Variants in AKAP12 observed in about 807,000 individuals in gnomAD.
AKAP12 encodes A-kinase anchoring protein 12, also known as A-kinase anchor protein 12.
AKAP12 carries 32 observed loss-of-function variants against 79.9 expected under a neutral mutation model. That is an observed-to-expected ratio of 0.40 (90% confidence interval 0.30 to 0.54). The LOEUF is 0.54. AKAP12 is among the 20% of genes least tolerant of loss of function. The probability of loss-of-function intolerance (pLI) is 0.48; values close to 1 mark genes in which losing one functional copy is unlikely to be tolerated. For missense variants in AKAP12, 2,074 were observed against 2,177.0 expected, an observed-to-expected ratio of 0.95 and a Z score of 0.94; for synonymous variants, 808 against 857.0, an observed-to-expected ratio of 0.94 and a Z score of 1.00.
intron 3 of AKAP12, among the ~76,000 whole-genome samples, chr6:151,334,343 C>T (rs1777755610): frequency 6.6e-6 from 1 of 152,038 alleles, no homozygotes; most frequent in South Asian, 2.1e-4. Context: ...CCTGTAATCC[C>T]AACACTTTCA....
At position 151,349,968 on chromosome 6, in the gene AKAP12, A is replaced by G; in HGVS notation, c.1577A>G (p.Lys526Arg). The G allele has an allele frequency of 6.2e-7, 1 of 1,614,178 alleles. No homozygotes were observed. The change falls in exon 4 of 5, where the codon AAA becomes AGA. Residue 526 changes from lysine (K) to arginine (R), a missense_variant. Lys to Arg is a conservative substitution (Grantham distance 26, BLOSUM62 2). Coordinates refer to ENST00000402676, the MANE Select transcript of AKAP12 (RefSeq NM_005100.4). ...AAGCTTTTTACCAGCACTGGCTTAA[A>G]AAAGCTTTCTGGAAAGAAACAGAAA... ...LKKLFTSTGL[K>R]KLSGKKQKGK...
At chr6:151,285,617 A>T (rs538900474) in intron 2 of AKAP12, among the ~76,000 whole-genome samples, 8 of 152,296 alleles carry the variant, frequency 5.3e-5, no homozygotes, top group African/African-American at 1.9e-4. Flanking sequence ...TTTCATGCAA[A>T]AAAGGGGGGA....
chr6:151,341,858 C>T (rs1385755257), intron 3 of AKAP12: 8 of 1,206,108 alleles, frequency 6.6e-6, no homozygotes, highest in South Asian at 5.3e-5. Context: ...GGCCAAGGCG[C>T]GCAGGGACAG....
intron 3 of AKAP12, among the ~76,000 whole-genome samples, chr6:151,338,132 C>T (rs1777862634): frequency 6.6e-6 from 1 of 152,108 alleles, no homozygotes; most frequent in Non-Finnish European, 1.5e-5. Context: ...AGGGATATTC[C>T]CTTTCATAAC....
chr6:151,351,450 C>G lies in AKAP12; in HGVS notation c.3059C>G (p.Thr1020Ser). ...TDSPDTTEEA[T>S]PVQEVEGGVP... Reference sequence around the variant, plus strand: ...TCCCCAGACACCACAGAGGAGGCCACTCCGGTGCAGGAGGTGGAAGGTGGC... The same window carrying G: ...TCCCCAGACACCACAGAGGAGGCCAGTCCGGTGCAGGAGGTGGAAGGTGGC... Residue 1020 changes from threonine to serine, a missense_variant, in exon 4 of 5, where the codon ACT becomes AGT. Physicochemically the swap from Thr to Ser is moderately conservative, Grantham distance 58. Around this residue, in one of 3 missense-constraint regions of AKAP12, gnomAD observed 1,428 missense variants for 1,451.0 expected, o/e 0.98. Coordinates refer to ENST00000402676, the MANE Select transcript of AKAP12 (RefSeq NM_005100.4). This position sits in a 1 kb window ranked among gnomAD's most constrained non-coding sequence, Gnocchi z 4.4. 2.5e-6 allele frequency: 4 copies of G among 1,614,230 alleles called. No homozygotes were observed. The highest frequency in any genetic ancestry group is 3.4e-6 in the Non-Finnish European group (4 of 1,180,042).
intron 3 of AKAP12, among the ~76,000 whole-genome samples, chr6:151,306,781 A>C (rs997361787): frequency 1.3e-5 from 2 of 152,190 alleles, no homozygotes; most frequent in Non-Finnish European, 2.9e-5. Context: ...GGGAATACTT[A>C]TCTGTATATA....
intron 2 of AKAP12, among the ~76,000 whole-genome samples, chr6:151,287,590 A>G (rs1175182468): frequency 6.6e-6 from 1 of 152,226 alleles, no homozygotes; most frequent in Non-Finnish European, 1.5e-5. Context: ...TTAAAGAATT[A>G]TGAGGAATGC....
chr6:151,324,767 A>C, intron 3 of AKAP12: 2 of 985,424 alleles, frequency 2.0e-6, no homozygotes, highest in Non-Finnish European at 2.4e-6. Context: ...AGTACAAAAA[A>C]AGTGTATTAA....
intron 2 of AKAP12, among the ~76,000 whole-genome samples, chr6:151,296,597 C>T (rs572327828): frequency 1.3e-5 from 2 of 152,124 alleles, no homozygotes; most frequent in Admixed American, 6.5e-5. Context: ...GCCAATGTGG[C>T]GAAACCACAT....
At chr6:151,341,134 C>T (rs574411037) in intron 3 of AKAP12, among the ~76,000 whole-genome samples, 1 of 151,644 alleles carries the variant, frequency 6.6e-6, no homozygotes, top group South Asian at 2.1e-4. Context: ...TCACTGCAAC[C>T]TCCGCCTCCC....
intron 3 of AKAP12, among the ~76,000 whole-genome samples, chr6:151,343,228 C>A (rs188505225): frequency 6.6e-6 from 1 of 152,204 alleles, no homozygotes; most frequent in East Asian, 1.9e-4. Context: ...GGTTGTGTGA[C>A]ACCAGCTTTC....
At chr6:151,241,687 CCCTTGTATCACAAAGGTACCCTTGTGATA>C (rs1186179101) in intron 2 of AKAP12, among the ~76,000 whole-genome samples, 1 of 152,148 alleles carries the variant, frequency 6.6e-6, no homozygotes, top group East Asian at 1.9e-4. Context: ...TTTTGTGATA[CCCTTGTATCACAAAGGTACCCTTGTGATA>C]CCTTGTAGAA....
intron 3 of AKAP12, among the ~76,000 whole-genome samples, chr6:151,323,513 A>G (rs1777451563): frequency 6.6e-6 from 1 of 151,418 alleles, no homozygotes; most frequent in Admixed American, 6.6e-5. Flanking sequence ...AGATCGCGTC[A>G]TTGCACCCCA....
chr6:151,308,574 C>G (rs1051340977), intron 3 of AKAP12, among the ~76,000 whole-genome samples: 8 of 152,098 alleles, frequency 5.3e-5, no homozygotes, highest in Non-Finnish European at 1.2e-4. Flanking sequence ...GAAAAAAGAA[C>G]TAGATGTGCC....
At chr6:151,247,482 A>G (rs576464509) in intron 2 of AKAP12, among the ~76,000 whole-genome samples, 9 of 152,342 alleles carry the variant, frequency 5.9e-5, no homozygotes, top group Admixed American at 2.0e-4. Context: ...AGCAAGTTCA[A>G]GAATAAAAAC....
intron 2 of AKAP12, among the ~76,000 whole-genome samples, chr6:151,271,789 A>G (rs1286967780): frequency 1.3e-5 from 2 of 151,972 alleles, no homozygotes; most frequent in African/African-American, 4.8e-5. Flanking sequence ...CCTCCTGAGT[A>G]GCTGTGATTA....
intron 2 of AKAP12, among the ~76,000 whole-genome samples, chr6:151,258,107 A>G (rs758944233): frequency 2.0e-5 from 3 of 152,312 alleles, no homozygotes; most frequent in East Asian, 3.9e-4. Flanking sequence ...GCCAGAGACA[A>G]TTGGACTACT....
At chr6:151,354,460 G>A (rs952303264) in intron 4 of AKAP12, among the ~76,000 whole-genome samples, 32 of 151,982 alleles carry the variant, frequency 2.1e-4, no homozygotes, top group African/African-American at 7.3e-4. Flanking sequence ...TGCAAGCTCC[G>A]CCTCCCAGGT....
intron 2 of AKAP12, among the ~76,000 whole-genome samples, chr6:151,265,138 G>A (rs1259823180): frequency 1.3e-5 from 2 of 149,006 alleles, no homozygotes; most frequent in East Asian, 2.0e-4. Context: ...GCAACAGAGC[G>A]AGACTCCGTC....
Sources: allele counts gnomAD v4.1 joint callset (sites outside exome capture counted in the v4.1 genomes callset), GRCh38; gene constraint gnomAD v4.1.1; regional missense constraint gnomAD v4.1.1; non-coding constraint Gnocchi (gnomAD v3.1); transcripts MANE v1.5; gene names NCBI Gene and HGNC (gene_info 2026-07-23, HGNC 2026-07-21).